The following PRKCE variants were observed in gnomAD, a reference collection of about 807,000 sequenced individuals.
PRKCE encodes protein kinase C epsilon.
Under a neutral mutation model 85.4 loss-of-function variants are expected in PRKCE, and 16 were observed. The observed-to-expected ratio is 0.19, with a 90% confidence interval of 0.13 to 0.28. The LOEUF (loss-of-function observed/expected upper bound fraction) is 0.28, where lower values mean the gene tolerates loss of function less well. PRKCE is among the 10% of genes least tolerant of loss of function. The pLI, the probability that PRKCE is intolerant of heterozygous loss-of-function variation, is 1.00. For synonymous variants in PRKCE, 388 were observed against 371.5 expected, an observed-to-expected ratio of 1.04 and a Z score of -0.51; for missense variants, 573 against 975.2, an observed-to-expected ratio of 0.59 and a Z score of 5.49.
intron 1 of PRKCE, among the ~76,000 whole-genome samples, chr2:45,731,140 A>T (rs1342452481): frequency 6.6e-6 from 1 of 152,136 alleles, no homozygotes; most frequent in Non-Finnish European, 1.5e-5. Context: ...GGGCCTGTTG[A>T]TTTCTGTTAT....
intron 2 of PRKCE, among the ~76,000 whole-genome samples, chr2:45,865,368 C>G (rs1156533840): frequency 6.6e-6 from 1 of 152,144 alleles, no homozygotes; most frequent in African/African-American, 2.4e-5. Flanking sequence ...GAGGGTAGGG[C>G]TTGGACATAG....
chr2:46,102,642 G>T (rs1055215199), intron 11 of PRKCE, among the ~76,000 whole-genome samples: 5 of 152,000 alleles, frequency 3.3e-5, no homozygotes, highest in South Asian at 2.1e-4. Context: ...GCTCTTCTTG[G>T]CTGTGACATT....
chr2:46,007,703 T>A (rs1408758154), intron 9 of PRKCE, 42 bp downstream of exon 9: 1 of 1,565,936 alleles, frequency 6.4e-7, no homozygotes, highest in Admixed American at 1.7e-5. Flanking sequence ...TTTGTTCTAC[T>A]CCTTAGCATT....
chr2:45,885,799 G>A (rs949890456), intron 2 of PRKCE, among the ~76,000 whole-genome samples: 2 of 152,202 alleles, frequency 1.3e-5, no homozygotes, highest in Non-Finnish European at 2.9e-5. Flanking sequence ...AAATTTGTGG[G>A]TTTTGGGTGC....
At chr2:45,879,875 T>A (rs1222911939) in intron 2 of PRKCE, among the ~76,000 whole-genome samples, 1 of 152,250 alleles carries the variant, frequency 6.6e-6, no homozygotes, top group African/African-American at 2.4e-5. Flanking sequence ...TATTTCTTTG[T>A]GTTGGGAATG....
chr2:45,906,743 C>T (rs1196223842), intron 2 of PRKCE, among the ~76,000 whole-genome samples: 1 of 152,252 alleles, frequency 6.6e-6, no homozygotes, highest in Non-Finnish European at 1.5e-5. Flanking sequence ...CTGGCCCACC[C>T]TCCATCAGGC....
chr2:45,953,481 CCCT>C (rs1436437893), intron 2 of PRKCE, among the ~76,000 whole-genome samples: 1 of 152,188 alleles, frequency 6.6e-6, no homozygotes, highest in Admixed American at 6.5e-5. Flanking sequence ...GCTCCCTTTC[CCCT>C]CCTCTGGAAC....
chr2:45,980,183 G>A (rs1270811496), intron 4 of PRKCE, 113 bp from the exon 5 acceptor site: 1 of 897,996 alleles, frequency 1.1e-6, no homozygotes, highest in Non-Finnish European at 1.7e-6. Context: ...TTAAGGCTCA[G>A]TGGCAGAAGG....
At chr2:46,006,819 A>T (rs1333096154) in intron 8 of PRKCE, among the ~76,000 whole-genome samples, 1 of 152,234 alleles carries the variant, frequency 6.6e-6, no homozygotes, top group African/African-American at 2.4e-5. Context: ...GCCCCATTGG[A>T]GATAAGTTTG....
At chr2:45,847,023 G>C (rs990876798) in intron 2 of PRKCE, among the ~76,000 whole-genome samples, 1 of 152,222 alleles carries the variant, frequency 6.6e-6, no homozygotes, top group African/African-American at 2.4e-5. Context: ...ATGTTCACAA[G>C]GGCCAAGAAC....
At position 46,145,694 on chromosome 2, in the gene PRKCE, C is replaced by G. The variant is rs1438276910; in HGVS notation, c.1731+463C>G. ...ACCAGCCGGGGCAACATGGTGAAAC[C>G]CTGTCTATATAAAAAATACAAAAAT... On this transcript the variant is annotated intron_variant, in intron 12 of 14. Coordinates refer to ENST00000306156, the MANE Select transcript of PRKCE (RefSeq NM_005400.3). The surrounding 1 kb of genome is among the most constrained non-coding windows in gnomAD (Gnocchi z 4.6). Among the ~76,000 whole-genome samples, 2 of 152,006 alleles carry G rather than the reference C, an allele frequency of 1.3e-5. No homozygotes were observed. Among genetic ancestry groups the G allele is most frequent in the Non-Finnish European group, 2.9e-5 (2 of 68,002 alleles).
chr2:46,000,904 G>C (rs953142436), intron 6 of PRKCE: 1 of 152,202 alleles, frequency 6.6e-6, no homozygotes, highest in Admixed American at 6.5e-5. Context: ...GGTGGATCTC[G>C]GAAGAGCTGT....
At chr2:45,672,398 C>T (rs920836723) in intron 1 of PRKCE, among the ~76,000 whole-genome samples, 12 of 152,118 alleles carry the variant, frequency 7.9e-5, no homozygotes, top group African/African-American at 2.9e-4. Flanking sequence ...ATCCATCCAT[C>T]TATGTATCCA....
At chr2:46,019,768 T>G (rs188839403) in intron 10 of PRKCE, among the ~76,000 whole-genome samples, 1 of 149,186 alleles carries the variant, frequency 6.7e-6, no homozygotes, top group East Asian at 1.9e-4. Context: ...TAGGAGGCAT[T>G]TTTTTTTTTA....
intron 1 of PRKCE, among the ~76,000 whole-genome samples, chr2:45,659,416 G>T (rs1471636593): frequency 6.6e-6 from 1 of 152,192 alleles, no homozygotes; most frequent in East Asian, 1.9e-4. Context: ...TTGGGTCCAA[G>T]TCACTATTAT....
intron 2 of PRKCE, among the ~76,000 whole-genome samples, chr2:45,969,304 C>CCCTTCTGCA (rs1263283882): frequency 1.3e-5 from 2 of 152,058 alleles, no homozygotes; most frequent in African/African-American, 4.8e-5. Flanking sequence ...TCAAGTTCAC[C>CCCTTCTGCA]CCTTCTGCAG....
chr2:45,840,136 T>A (rs1011399508), intron 1 of PRKCE, among the ~76,000 whole-genome samples: 1 of 152,212 alleles, frequency 6.6e-6, no homozygotes, highest in African/African-American at 2.4e-5. Context: ...GATAGCATTG[T>A]ACTTTGCCAA....
Position 46,131,119 on chromosome 2 carries a change from C to G in PRKCE, c.1593-13974C>G, listed in dbSNP as rs138069272. ...GCAAAGTCAGGGATTGAACAGCACT[C>G]TGAATTTTAGCTGAATGGCCTCAGG... On this transcript the variant is annotated intron_variant, in intron 11 of 14. Transcript: ENST00000306156. Among the ~76,000 whole-genome samples the G allele has an allele frequency of 1.4e-3, 207 of 152,332 alleles. 1 individual carries two copies. The highest frequency in any genetic ancestry group is 6.6e-3 in the South Asian group (32 of 4,834).
intron 6 of PRKCE, among the ~76,000 whole-genome samples, chr2:45,994,169 G>A (rs527787190): frequency 6.6e-6 from 1 of 152,270 alleles, no homozygotes; most frequent in East Asian, 1.9e-4. Context: ...AACAAAATAG[G>A]TCAAAGGTAT....
Sources: allele counts gnomAD v4.1 joint callset (sites outside exome capture counted in the v4.1 genomes callset), GRCh38; gene constraint gnomAD v4.1.1; non-coding constraint Gnocchi (gnomAD v3.1); transcripts MANE v1.5; gene names NCBI Gene and HGNC (gene_info 2026-07-23, HGNC 2026-07-21).